THSD4: variants seen among roughly 807,000 people sequenced by gnomAD.
The protein encoded by THSD4 is thrombospondin type-1 domain-containing protein 4.
A neutral mutation model predicts 119.0 loss-of-function variants in THSD4; 69 were observed. The observed-to-expected ratio is 0.58, with a 90% CI of 0.48 to 0.71. The LOEUF (loss-of-function observed/expected upper bound fraction) is 0.71, where lower values mean the gene tolerates loss of function less well. Ranked by LOEUF, THSD4 falls within the 30% of genes least tolerant of loss-of-function variation. The pLI is 0.00. For synonymous variants in THSD4, 524 were observed against 540.4 expected (o/e 0.97, Z 0.42); for missense variants, 1,393 against 1,391.1 (o/e 1.00, Z -0.02).
At chr15:71,516,055 C>A (rs2048356902) in intron 7 of THSD4, among the ~76,000 whole-genome samples, 1 of 152,158 alleles carries the variant, frequency 6.6e-6, no homozygotes. Context: ...AGTGGAAACA[C>A]TTTGGGACAT....
chr15:71,584,518 C>T (rs144724812), intron 7 of THSD4, among the ~76,000 whole-genome samples: 3,051 of 152,116 alleles, frequency 0.02, 96 homozygotes, highest in African/African-American at 0.069. Flanking sequence ...ATCTGCCCAC[C>T]TTGGCCTCCC....
At chr15:71,160,771 A>AT (rs1214163518) in intron 3 of THSD4, among the ~76,000 whole-genome samples, 9 of 149,938 alleles carry the variant, frequency 6.0e-5, no homozygotes, top group African/African-American at 1.5e-4. Context: ...TTGATCTTAA[A>AT]ATTTTTTTTT....
At chr15:71,672,433 C>T (rs1392284500) in intron 8 of THSD4, among the ~76,000 whole-genome samples, 1 of 152,194 alleles carries the variant, frequency 6.6e-6, no homozygotes, top group Non-Finnish European at 1.5e-5. Flanking sequence ...CATCTGCAAA[C>T]AGGGACAATT....
chr15:71,126,555 A>G (rs1429833871), intron 1 of THSD4, among the ~76,000 whole-genome samples: 1 of 152,238 alleles, frequency 6.6e-6, no homozygotes, highest in Non-Finnish European at 1.5e-5. Context: ...TCAATGGAAA[A>G]TCACTCATCA....
chr15:71,450,735 G>A (rs1460197227), intron 7 of THSD4, among the ~76,000 whole-genome samples: 1 of 152,088 alleles, frequency 6.6e-6, no homozygotes, highest in Non-Finnish European at 1.5e-5. Flanking sequence ...CCTTGGCTGG[G>A]CTATGAATTA....
chr15:71,750,877 G>A (rs58413354), intron 14 of THSD4, among the ~76,000 whole-genome samples: 2,113 of 152,276 alleles, frequency 0.014, 49 homozygotes, highest in African/African-American at 0.047. Context: ...ATGGTACTGC[G>A]GAAACAGTGG....
At chr15:71,215,476 C>T (rs1474286575) in intron 4 of THSD4, 77 bp downstream of exon 4, 5 of 1,374,980 alleles carry the variant, frequency 3.6e-6, no homozygotes, top group East Asian at 3.0e-5. Context: ...CTGCCTCGCA[C>T]GCTGCTCTGC....
intron 3 of THSD4, among the ~76,000 whole-genome samples, chr15:71,205,158 C>T (rs1436261433): frequency 1.3e-5 from 2 of 152,154 alleles, no homozygotes; most frequent in African/African-American, 4.8e-5. Context: ...TCAAGTTATA[C>T]GTCAGGTAGA....
At chr15:71,704,097 C>G (rs1202352419) in intron 8 of THSD4, among the ~76,000 whole-genome samples, 1 of 152,186 alleles carries the variant, frequency 6.6e-6, no homozygotes, top group Non-Finnish European at 1.5e-5. Context: ...ATCCGCCCAC[C>G]TTGGCCTCCC....
At chr15:71,167,615 G>A (rs995909066) in intron 3 of THSD4, among the ~76,000 whole-genome samples, 2 of 152,166 alleles carry the variant, frequency 1.3e-5, no homozygotes, top group African/African-American at 4.8e-5. Flanking sequence ...TCATTACTTA[G>A]ATAATCATAA....
intron 8 of THSD4, among the ~76,000 whole-genome samples, chr15:71,682,893 T>TTC (rs2051820016): frequency 1.3e-4 from 1 of 7,908 alleles, no homozygotes. Context: ...TCTTTCTTTC[T>TTC]TTCTTTCTTT....
At chr15:71,097,729 T>C (rs1160042961) in intron 1 of THSD4, among the ~76,000 whole-genome samples, 1 of 92,448 alleles carries the variant, frequency 1.1e-5, no homozygotes, top group Non-Finnish European at 2.3e-5. Flanking sequence ...TATATATATA[T>C]TTTTTTTTTT....
rs774060738 is a variant in THSD4, at chr15:71,748,478, A to G, written c.2299A>G (p.Ile767Val). The G allele has an allele frequency of 9.3e-6, 15 of 1,614,078 alleles. No homozygotes were observed. Among genetic ancestry groups the G allele is most frequent in the Non-Finnish European group, 1.2e-5 (14 of 1,180,046 alleles). Residue 767 changes from isoleucine to valine, a missense_variant, in exon 14 of 18, where the codon ATT (isoleucine) becomes GTT (valine). Transcript: ENST00000261862. ...CCGTGATGTGAAGTGTGTGAGCAAC[A>G]TTGGGGATGTGGTTGACGATGAGGA... ...RTRDVKCVSN[I>V]GDVVDDEECN...
At chr15:71,659,208 G>T (rs1422395761) in intron 7 of THSD4, among the ~76,000 whole-genome samples, 1 of 152,164 alleles carries the variant, frequency 6.6e-6, no homozygotes, top group African/African-American at 2.4e-5. Context: ...TCATGACCCA[G>T]TGAATAATCC....
chr15:71,774,003 A>C (rs2053868455), intron 17 of THSD4, among the ~76,000 whole-genome samples: 1 of 152,162 alleles, frequency 6.6e-6, no homozygotes, highest in Non-Finnish European at 1.5e-5. Flanking sequence ...TTTGTAAAGG[A>C]TAAAGGAAAT....
At chr15:71,193,801 G>A (rs757412447) in intron 3 of THSD4, among the ~76,000 whole-genome samples, 15 of 152,012 alleles carry the variant, frequency 9.9e-5, no homozygotes, top group Non-Finnish European at 2.1e-4. Flanking sequence ...TCCGCCTCCC[G>A]GGTTCACACC....
At chr15:71,339,080 T>C (rs2045527996) in intron 6 of THSD4, among the ~76,000 whole-genome samples, 1 of 152,222 alleles carries the variant, frequency 6.6e-6, no homozygotes, top group South Asian at 2.1e-4. Context: ...CAGGACATTT[T>C]GTCCTGACCT....
At chr15:71,298,329 C>T (rs1432892508) in intron 6 of THSD4, among the ~76,000 whole-genome samples, 3 of 152,170 alleles carry the variant, frequency 2.0e-5, no homozygotes, top group African/African-American at 7.2e-5. Flanking sequence ...ACACTGTCTT[C>T]ATTACTGTAG....
chr15:71,428,020 TTGAAG>T (rs2140527412), intron 7 of THSD4, among the ~76,000 whole-genome samples: 1 of 152,250 alleles, frequency 6.6e-6, no homozygotes, highest in African/African-American at 2.4e-5. Flanking sequence ...CAAAGGGAAC[TTGAAG>T]TGTTCAGTCT....
Sources: gnomAD v4.1 joint callset for allele counts (sites outside exome capture counted in the v4.1 genomes callset) on GRCh38, gnomAD v4.1.1 for gene constraint, MANE v1.5 for transcripts, NCBI Gene and HGNC (gene_info 2026-07-23, HGNC 2026-07-21) for gene names.